MAP7D2: variants seen among roughly 807,000 people sequenced by gnomAD.
MAP7D2 encodes the protein MAP7 domain-containing protein 2.
Under a neutral mutation model 63.5 loss-of-function variants are expected in MAP7D2, and 33 were observed. The observed-to-expected ratio is 0.52, with a 90% confidence interval of 0.39 to 0.70. The LOEUF (loss-of-function observed/expected upper bound fraction) is 0.70. MAP7D2 is among the 30% of genes least tolerant of loss of function. The pLI is 0.00. For synonymous variants in MAP7D2, 224 were observed against 223.7 expected, an observed-to-expected ratio of 1.00 and a Z score of -0.01; for missense variants, 626 against 604.0, an observed-to-expected ratio of 1.04 and a Z score of -0.38.
At chrX:20,015,145 C>A (rs2073341003) in intron 12 of MAP7D2, 78 bp downstream of exon 12, 1 of 719,992 alleles carries the variant, frequency 1.4e-6, no homozygotes, top group African/African-American at 2.1e-5. Flanking sequence ...TAGGATCATT[C>A]TATCCAATCA....
At chrX:20,030,769 T>C (rs1270352869) in intron 8 of MAP7D2, among the ~76,000 whole-genome samples, 1 of 111,758 alleles carries the variant, frequency 8.9e-6, no homozygotes, top group Non-Finnish European at 1.9e-5. Context: ...AGCAGTTTTA[T>C]ACCGGAGAAA....
intron 15 of MAP7D2, 23 bp from the exon 16 acceptor site, chrX:20,011,075 A>G (rs746933814): frequency 2.1e-5 from 25 of 1,194,604 alleles, no homozygotes; most frequent in Non-Finnish European, 2.7e-5. Context: ...AACGAGAGGG[A>G]GAGAGGCAGA....
chrX:20,084,660 C>G (rs1196555835), intron 1 of MAP7D2, among the ~76,000 whole-genome samples: 1 of 108,446 alleles, frequency 9.2e-6, no homozygotes, highest in Non-Finnish European at 1.9e-5. Context: ...CCTCCGCCTC[C>G]CTGGTTCAAG....
intron 1 of MAP7D2, among the ~76,000 whole-genome samples, chrX:20,101,694 C>T (rs2148535089): frequency 8.9e-6 from 1 of 112,545 alleles, no homozygotes; most frequent in South Asian, 3.6e-4. Flanking sequence ...GATACAGTCA[C>T]ACAAAGTACT....
chrX:20,086,054 C>T (rs1335581774), intron 1 of MAP7D2, among the ~76,000 whole-genome samples: 1 of 112,460 alleles, frequency 8.9e-6, no homozygotes, highest in Admixed American at 9.4e-5. Flanking sequence ...GGTAACAAGC[C>T]ATTTCATCCA....
chrX:20,041,473 A>C (rs1339664022), intron 8 of MAP7D2, among the ~76,000 whole-genome samples: 1 of 112,356 alleles, frequency 8.9e-6, no homozygotes, highest in African/African-American at 3.2e-5. Flanking sequence ...CTCTAAAAAA[A>C]ATTATTAATA....
chrX:20,082,220 G>A lies in MAP7D2; in HGVS notation c.131-17415C>T, dbSNP rs368254887. Among the ~76,000 whole-genome samples, 11 of 111,838 alleles carry A rather than the reference G, an allele frequency of 9.8e-5. No individual in the cohort carries two copies. In the East Asian group the frequency reaches 1.7e-3, roughly 17 times the overall value. On this transcript the variant is annotated intron_variant, in intron 1 of 16. Transcript: ENST00000379643. ...AACAAAATGCAAAGGATAAATAAAG[G>A]GGCTAGGAAAAAAAATCACTCTTTT... is the stretch of plus-strand genomic sequence containing the variant.
intron 8 of MAP7D2, among the ~76,000 whole-genome samples, chrX:20,029,771 A>G (rs1236374050): frequency 1.0e-5 from 1 of 100,337 alleles, no homozygotes; most frequent in East Asian, 2.9e-4. Flanking sequence ...AAATTAGAAA[A>G]GTGTGGGCAA....
At chrX:20,080,221 C>T (rs974937898) in intron 1 of MAP7D2, among the ~76,000 whole-genome samples, 3 of 110,554 alleles carry the variant, frequency 2.7e-5, no homozygotes, top group Non-Finnish European at 3.8e-5. Flanking sequence ...TAAGGTAATA[C>T]GGGTGACTCT....
chrX:20,079,710 G>A (rs1291139512), intron 1 of MAP7D2, among the ~76,000 whole-genome samples: 1 of 111,808 alleles, frequency 8.9e-6, no homozygotes, highest in Non-Finnish European at 1.9e-5. Context: ...TGGGGTAGAG[G>A]CAAGACCTTT....
At chrX:20,110,064 GATAAA>G (rs765087945) in intron 1 of MAP7D2, among the ~76,000 whole-genome samples, 1 of 107,010 alleles carries the variant, frequency 9.3e-6, no homozygotes, top group Non-Finnish European at 1.9e-5. Context: ...CAGATATTCA[GATAAA>G]ATAAAGTGGA....
intron 1 of MAP7D2, among the ~76,000 whole-genome samples, chrX:20,069,432 C>T (rs2065442185): frequency 9.0e-6 from 1 of 110,929 alleles, no homozygotes; most frequent in African/African-American, 3.3e-5. Flanking sequence ...GATGTTGGAA[C>T]TCCTAGGCTA....
At chrX:20,021,228 T>A (rs1429315870) in intron 10 of MAP7D2, 1 of 111,917 alleles carries the variant, frequency 8.9e-6, no homozygotes, top group East Asian at 2.8e-4. Flanking sequence ...CAACTTTTGT[T>A]CTTCTGCTTA....
At chrX:20,090,292 G>A (rs2066031459) in intron 1 of MAP7D2, among the ~76,000 whole-genome samples, 3 of 101,926 alleles carry the variant, frequency 2.9e-5, no homozygotes, top group Admixed American at 2.2e-4. Flanking sequence ...TCAGGAGTTC[G>A]AGACCAGCCT....
Position 20,111,582 on chromosome X carries a change from T to C in MAP7D2, c.130+5168A>G, listed in dbSNP as rs754235439. 2.3e-3 allele frequency among the ~76,000 whole-genome samples: 258 copies of C among 111,177 alleles called. 1 individual carries two copies. The highest frequency in any genetic ancestry group is 8.1e-3 in the African/African-American group (246 of 30,548). ...GTCTCGTGGTCTCTATATAGACAGA[T>C]GGGTAGTTGTGAGGCCGGGGGAATG... On this transcript the variant is annotated intron_variant, in intron 1 of 16. Coordinates refer to ENST00000379643, the MANE Select transcript of MAP7D2 (RefSeq NM_001168465.2).
At chrX:20,013,682 T>A in intron 12 of MAP7D2, 57 bp from the exon 13 acceptor site, 1 of 847,388 alleles carries the variant, frequency 1.2e-6, no homozygotes, top group Non-Finnish European at 1.7e-6. Context: ...ACCAAAAACA[T>A]AAAAGTAGCT....
chrX:20,050,954 A>T lies in MAP7D2; in HGVS notation c.596-8T>A. The T allele has an allele frequency of 8.9e-7, 1 of 1,124,468 alleles. No individual in the cohort carries two copies. Among genetic ancestry groups the T allele is most frequent in the Non-Finnish European group, 1.2e-6 (1 of 855,726 alleles). 92.7% of individuals were successfully genotyped at this position (1,124,468 alleles called of 1,213,427 possible). On this transcript the variant is annotated splice_polypyrimidine_tract_variant and splice_region_variant and intron_variant, in intron 5 of 16. Transcript: ENST00000379643. ...TAAGGTGCATGTGATGAGCTGAGGG[A>T]TGGAATCAAATGAAAATTTTAAAAA...
In MAP7D2 at chrX:20,107,368, C is replaced by T. The variant is rs777407245; in HGVS notation, c.130+9382G>A. ...GGCAGATCACTTGAGGTCAGGAGTTCAAGACCAGCCTAGACAACATGGTGA... is the reference window on the plus strand; with the variant it reads ...GGCAGATCACTTGAGGTCAGGAGTTTAAGACCAGCCTAGACAACATGGTGA... On this transcript the variant is annotated intron_variant, in intron 1 of 16. Transcript: ENST00000379643. 7.7e-4 allele frequency among the ~76,000 whole-genome samples: 86 copies of T among 111,023 alleles called. 1 individual carries two copies. The highest frequency in any genetic ancestry group is 2.8e-3 in the African/African-American group (84 of 30,529).
chrX:20,051,991 T>C (rs983804543), intron 5 of MAP7D2, among the ~76,000 whole-genome samples: 3 of 112,226 alleles, frequency 2.7e-5, no homozygotes, highest in South Asian at 3.7e-4. Context: ...ATGAACCTTA[T>C]AGGGTCTCTG....
Sources: allele counts gnomAD v4.1 joint callset (sites outside exome capture counted in the v4.1 genomes callset), GRCh38; gene constraint gnomAD v4.1.1; transcripts MANE v1.5; gene names NCBI Gene and HGNC (gene_info 2026-07-23, HGNC 2026-07-21).